The following PLEKHG1 variants were observed in gnomAD, a reference collection of about 807,000 sequenced individuals.
The protein encoded by PLEKHG1 is pleckstrin homology domain-containing family G member 1.
In PLEKHG1, 44 loss-of-function variants were observed where a neutral mutation model predicts 100.8. That is an observed-to-expected ratio of 0.44 (90% CI 0.34 to 0.56). PLEKHG1 has a LOEUF of 0.56. Ranked by LOEUF, PLEKHG1 falls within the 20% of genes least tolerant of loss-of-function variation. PLEKHG1 has a pLI of 0.01. For missense variants in PLEKHG1, 1,545 were observed against 1,720.9 expected, an observed-to-expected ratio of 0.90 and a Z score of 1.81; for synonymous variants, 640 against 662.5, an observed-to-expected ratio of 0.97 and a Z score of 0.52.
intron 3 of PLEKHG1, among the ~76,000 whole-genome samples, chr6:150,670,790 G>C (rs1470150867): frequency 6.6e-6 from 1 of 152,022 alleles, no homozygotes; most frequent in Non-Finnish European, 1.5e-5. Context: ...TATTGTTGTT[G>C]TTGTTATATG....
intron 6 of PLEKHG1, among the ~76,000 whole-genome samples, chr6:150,802,664 A>ATTTTTTT (rs71554484): frequency 7.0e-6 from 1 of 143,412 alleles, no homozygotes; most frequent in Non-Finnish European, 1.5e-5. Flanking sequence ...CATTCACATC[A>ATTTTTTT]TTTTTTTTTT....
At chr6:150,729,325 G>C (rs568031553) in intron 1 of PLEKHG1, among the ~76,000 whole-genome samples, 1 of 152,196 alleles carries the variant, frequency 6.6e-6, no homozygotes, top group African/African-American at 2.4e-5. Context: ...GCCTCCCAAA[G>C]TGCTGGAATT....
chr6:150,763,268 T>A (rs1454218927), intron 2 of PLEKHG1, among the ~76,000 whole-genome samples: 1 of 151,988 alleles, frequency 6.6e-6, no homozygotes, highest in Non-Finnish European at 1.5e-5. Context: ...TGACTTCAGG[T>A]GATCCACCTG....
intron 2 of PLEKHG1, among the ~76,000 whole-genome samples, chr6:150,756,945 T>G (rs1239869349): frequency 6.6e-6 from 1 of 152,220 alleles, no homozygotes; most frequent in African/African-American, 2.4e-5. Flanking sequence ...GTAATTATTG[T>G]CCAACACATG....
Position 150,786,474 on chromosome 6 carries a change from T to G in PLEKHG1, c.582+15T>G. On this transcript the variant is annotated intron_variant, in intron 4 of 15. Coordinates refer to ENST00000358517, the Ensembl canonical transcript of PLEKHG1. Reference sequence around the variant, plus strand: ...TTGTGTCCAAGGTAAGCAGGGTTCATCCTTCTGGGCCAACTGAGACAGATA... The same window carrying G: ...TTGTGTCCAAGGTAAGCAGGGTTCAGCCTTCTGGGCCAACTGAGACAGATA... The G allele has an allele frequency of 6.4e-7, 1 of 1,569,808 alleles. No individual in the cohort carries two copies. The highest frequency in any genetic ancestry group is 8.8e-7 in the Non-Finnish European group (1 of 1,140,160).
intron 3 of PLEKHG1, among the ~76,000 whole-genome samples, chr6:150,713,443 C>A (rs1421008011): frequency 1.3e-5 from 2 of 152,146 alleles, no homozygotes; most frequent in Non-Finnish European, 2.9e-5. Flanking sequence ...GTGCAAACCA[C>A]CCACGTCAGT....
At position 150,840,110 on chromosome 6, in the gene PLEKHG1, C is replaced by T. The variant is rs760760043; in HGVS notation, c.3372C>T (p.Ser1124=). The T allele has an allele frequency of 1.5e-5, 25 of 1,614,108 alleles. 1 individual carries two copies. The highest frequency in any genetic ancestry group is 3.3e-5 in the Admixed American group (2 of 60,002). The change falls in exon 16 of 16, where the codon TCC becomes TCT. Residue 1124 remains serine (S), a synonymous_variant. Coordinates refer to ENST00000358517, the Ensembl canonical transcript of PLEKHG1. ...CAAAAAGTACTCCCAGGCAATTGTC[C>T]GCAGCTTGCTCTGTGCCTTCTCTTC...
chr6:150,798,019 C>T (rs1455754571), intron 5 of PLEKHG1, among the ~76,000 whole-genome samples: 1 of 152,092 alleles, frequency 6.6e-6, no homozygotes, highest in East Asian at 1.9e-4. Context: ...TATTACACAT[C>T]CTTATCTGTA....
intron 3 of PLEKHG1, among the ~76,000 whole-genome samples, chr6:150,714,514 T>A (rs1781351794): frequency 6.6e-6 from 1 of 152,198 alleles, no homozygotes; most frequent in African/African-American, 2.4e-5. Flanking sequence ...AAATCATAAC[T>A]TGGTTGCAAG....
At chr6:150,839,575 C>T (rs1026415221) in intron 15 of PLEKHG1, among the ~76,000 whole-genome samples, 14 of 152,066 alleles carry the variant, frequency 9.2e-5, no homozygotes, top group African/African-American at 3.4e-4. Flanking sequence ...CACTTGCAGA[C>T]CTGCTGTTGA....
intron 1 of PLEKHG1, among the ~76,000 whole-genome samples, chr6:150,628,576 A>ACACACACC (rs1317085737): frequency 2.3e-4 from 25 of 108,190 alleles, no homozygotes; most frequent in African/African-American, 4.0e-4. Flanking sequence ...ACACACACAC[A>ACACACACC]CCCCGTCCTT....
chr6:150,841,977 T>G (rs1259946937), exon 16 of PLEKHG1: 1 of 152,242 alleles, frequency 6.6e-6, no homozygotes, highest in Non-Finnish European at 1.5e-5. Flanking sequence ...AGCCTTTTTT[T>G]CGTTGTTTTC....
At chr6:150,654,363 A>T (rs1408161671) in intron 3 of PLEKHG1, among the ~76,000 whole-genome samples, 1 of 152,230 alleles carries the variant, frequency 6.6e-6, no homozygotes, top group Non-Finnish European at 1.5e-5. Flanking sequence ...TGCTCAGCAC[A>T]GCGGTGCTCA....
intron 14 of PLEKHG1, 80 bp downstream of exon 15, chr6:150,823,756 C>A: frequency 1.1e-6 from 1 of 939,338 alleles, no homozygotes; most frequent in Non-Finnish European, 1.7e-6. Context: ...TCTCTGTCAT[C>A]TCCAGCCCGT....
chr6:150,800,531 G>A (rs563670426), intron 5 of PLEKHG1, among the ~76,000 whole-genome samples, 188 bp from the exon 7 acceptor site: 11 of 152,296 alleles, frequency 7.2e-5, no homozygotes, highest in Admixed American at 2.6e-4. Flanking sequence ...AGTGGGTCCG[G>A]TGCCTTTTTC....
At chr6:150,785,856 G>A (rs1355283634) in intron 3 of PLEKHG1, among the ~76,000 whole-genome samples, 1 of 152,094 alleles carries the variant, frequency 6.6e-6, no homozygotes, top group Non-Finnish European at 1.5e-5. Context: ...ACCCTATTGT[G>A]AACTGTGCAT....
chr6:150,797,675 A>G (rs761914712), intron 5 of PLEKHG1, among the ~76,000 whole-genome samples: 4 of 151,698 alleles, frequency 2.6e-5, no homozygotes, highest in African/African-American at 9.7e-5. Flanking sequence ...TCTCTACTAA[A>G]AATACAAAAA....
intron 7 of PLEKHG1, 23 bp downstream of exon 8, chr6:150,804,764 C>G (rs1253471492): frequency 6.2e-7 from 1 of 1,610,216 alleles, no homozygotes; most frequent in African/African-American, 1.3e-5. Flanking sequence ...GGTGTCGGTG[C>G]CCGGCAGGGT....
chr6:150,688,519 A>G (rs1197722857), intron 3 of PLEKHG1, among the ~76,000 whole-genome samples: 2 of 152,008 alleles, frequency 1.3e-5, no homozygotes, highest in Admixed American at 6.6e-5. Context: ...ACAGGGCTTC[A>G]CCATATTGGC....
Sources: allele counts gnomAD v4.1 joint callset (sites outside exome capture counted in the v4.1 genomes callset), GRCh38; gene constraint gnomAD v4.1.1; transcripts MANE v1.5; gene names NCBI Gene and HGNC (gene_info 2026-07-23, HGNC 2026-07-21).